RBM12B: variants seen among roughly 807,000 people sequenced by gnomAD.
RBM12B encodes RNA binding motif protein 12B, also known as RNA-binding protein 12B.
RBM12B carries 10 observed loss-of-function variants against 34.3 expected under a neutral mutation model. The ratio of observed to expected loss-of-function variants is 0.29; its 90% CI spans 0.18 to 0.49. The LOEUF (loss-of-function observed/expected upper bound fraction) is 0.49, where lower values mean the gene tolerates loss of function less well. Ranked by LOEUF, RBM12B falls within the 20% of genes least tolerant of loss-of-function variation. The pLI, the probability that RBM12B is intolerant of heterozygous loss-of-function variation, is 0.99. For synonymous variants in RBM12B, 477 were observed against 437.1 expected (o/e 1.09, Z -1.14); for missense variants, 1,139 against 1,262.7 (o/e 0.90, Z 1.48).
chr8:93,728,161 T>TA lies in RBM12B; in HGVS notation c.*5243dup. Reference sequence around the variant, plus strand: ...ATATACCAAGAATGTAAAATTTTTTTAAGTTAGTATTTTTATTTTAAAAAG... The same window carrying TA: ...ATATACCAAGAATGTAAAATTTTTTTAAAGTTAGTATTTTTATTTTAAAAAG... On this transcript the variant is annotated 3_prime_UTR_variant, in exon 4 of 4. Transcript: ENST00000520560. The TA allele has an allele frequency of 1.7e-5, 22 of 1,276,438 alleles. No individual in the cohort carries two copies. The highest frequency in any genetic ancestry group is 2.3e-5 in the Non-Finnish European group (22 of 946,878). The allele number at this position is 1,276,438 out of a possible 1,614,324, so 79.1% of individuals were successfully genotyped here.
At chr8:93,740,080 C>T in intron 2 of RBM12B, 1 of 351,466 alleles carries the variant, frequency 2.8e-6, no homozygotes. Context: ...CATGATGTAG[C>T]ATATTCACAC....
rs752187603 is a variant in RBM12B, at chr8:93,735,401, T to C, written c.1010A>G (p.Tyr337Cys). ...AFVMFKTLKDYNTALSLHKTV... is the reference protein window; with the variant it reads ...AFVMFKTLKDCNTALSLHKTV... ...CTTATGTAAACTCAGAGCGGTATTA[T>C]AGTCTTTCAGAGTCTTGAACATCAC... Residue 337 changes from tyrosine to cysteine, a missense_variant, in exon 4 of 4, where the codon TAT (tyrosine) becomes TGT (cysteine). Transcript: ENST00000520560. 1.9e-6 allele frequency: 3 copies of C among 1,613,356 alleles called. No homozygotes were observed. The highest frequency in any genetic ancestry group is 2.2e-5 in the East Asian group (1 of 44,862).
chr8:93,734,976 G>C lies in RBM12B; in HGVS notation c.1435C>G (p.Gln479Glu). 1 of 1,614,092 alleles carries C rather than the reference G, an allele frequency of 6.2e-7. No individual in the cohort carries two copies. The highest frequency in any genetic ancestry group is 8.5e-7 in the Non-Finnish European group (1 of 1,180,010). The change falls in exon 4 of 4, where the codon CAA becomes GAA. Residue 479 changes from glutamine to glutamate, a missense_variant. Transcript: ENST00000520560. Reference protein sequence around the residue: ...EVLLRLISEAQIQEFGVNFSV... With the variant: ...EVLLRLISEAEIQEFGVNFSV... ...AAATTTACACCAAACTCCTGTATTT[G>C]TGCCTCAGATATAAGTCTTAATAAC...
At chr8:93,738,782 T>C (rs1479246629) in intron 2 of RBM12B, among the ~76,000 whole-genome samples, 1 of 152,194 alleles carries the variant, frequency 6.6e-6, no homozygotes, top group East Asian at 1.9e-4. Flanking sequence ...ATGTCTTTAA[T>C]GTACAAATAA....
Position 93,733,286 on chromosome 8 carries a change from C to T in RBM12B, c.*119G>A. ...CTACTATTTACATTTGTTCTATTCA[C>T]AGGTCAAAAATAAAATATTTCATTA... On this transcript the variant is annotated 3_prime_UTR_variant, in exon 4 of 4. Transcript: ENST00000520560. 1.4e-6 allele frequency: 1 copy of T among 722,836 alleles called. No individual in the cohort carries two copies. Among genetic ancestry groups the T allele is most frequent in the East Asian group, 3.1e-5 (1 of 32,382 alleles). 44.8% of individuals were successfully genotyped at this position (722,836 alleles called of 1,614,324 possible). A position where few individuals can be genotyped will look rare whatever the true frequency, so the allele number is the denominator to read the frequency against.
chr8:93,739,775 T>C (rs756337332), intron 2 of RBM12B, among the ~76,000 whole-genome samples: 7 of 152,222 alleles, frequency 4.6e-5, no homozygotes, highest in Non-Finnish European at 1.0e-4. Flanking sequence ...GAAGAGTGGG[T>C]CCCTAAAAGA....
In RBM12B at chr8:93,736,172, T is replaced by C; in HGVS notation, c.239A>G (p.Gln80Arg). Residue 80 changes from glutamine to arginine, a missense_variant, in exon 4 of 4, where the codon CAG becomes CGG. By Grantham distance (43) the Gln-to-Arg change is conservative. Transcript: ENST00000520560. ...AGTTCTTTTCATTTCTATAGTCTTCTGCATTTCTGCCTTGCTACTAAGAAA... is the reference window on the plus strand; with the variant it reads ...AGTTCTTTTCATTTCTATAGTCTTCCGCATTTCTGCCTTGCTACTAAGAAA... Reference protein sequence around the residue: ...ELFLSSKAEMQKTIEMKRTDR... With the variant: ...ELFLSSKAEMRKTIEMKRTDR... 4 of 1,614,216 alleles carry C rather than the reference T, an allele frequency of 2.5e-6. No homozygotes were observed. Among genetic ancestry groups the C allele is most frequent in the Non-Finnish European group, 2.5e-6 (3 of 1,180,040 alleles).
Position 93,734,144 on chromosome 8 carries a change from C to A in RBM12B, c.2267G>T (p.Arg756Leu). The change falls in exon 4 of 4, where the codon CGG becomes CTG. Residue 756 changes from arginine (R) to leucine (L), a missense_variant. This residue lies in a region of RBM12B where 863 missense variants were observed against 869.5 expected (regional missense o/e 0.99). Coordinates refer to ENST00000520560, the MANE Select transcript of RBM12B (RefSeq NM_001377960.1). ...HFRRPPPEHF[R>L]RPPPEHFRRP... The stretch of plus-strand genomic sequence containing the variant: ...CCTGAAGTGCTCTGGGGGTGGCCGC[C>A]GGAAGTGCTCTGGGGGAGGCCGCCT... 6.4e-7 allele frequency: 1 copy of A among 1,562,460 alleles called. No homozygotes were observed. The highest frequency in any genetic ancestry group is 8.6e-7 in the Non-Finnish European group (1 of 1,156,180).
chr8:93,730,631 G>A lies in RBM12B; in HGVS notation c.*2774C>T, dbSNP rs530353467. ...CTGGCTTTCTGAGGGGACAACAGGA[G>A]GGGAATTCCTTGATTTGCTGCATTT... On this transcript the variant is annotated 3_prime_UTR_variant, in exon 4 of 4. Coordinates refer to ENST00000520560, the MANE Select transcript of RBM12B (RefSeq NM_001377960.1). 2.2e-4 allele frequency: 34 copies of A among 152,154 alleles called. No individual in the cohort carries two copies. Among genetic ancestry groups the A allele is most frequent in the African/African-American group, 8.2e-4 (34 of 41,526 alleles). The allele number at this position is 152,154 out of a possible 1,614,324, so 9.4% of individuals were successfully genotyped here.
At position 93,734,022 on chromosome 8, in the gene RBM12B, G is replaced by A. The variant is rs865954062; in HGVS notation, c.2389C>T (p.Arg797Cys). The change falls in exon 4 of 4, where the codon CGC (arginine) becomes TGC (cysteine). Residue 797 changes from arginine (R) to cysteine (C), a missense_variant. This residue lies in a region of RBM12B where 863 missense variants were observed against 869.5 expected (regional missense o/e 0.99). Coordinates refer to ENST00000520560, the MANE Select transcript of RBM12B (RefSeq NM_001377960.1). ...TGCCTGAAATCTTCCTCTCGGGAGC[G>A]CCTGAAATGCTCCTGAGGCGGCCGC... is the stretch of plus-strand genomic sequence containing the variant. ...FRRPPQEHFR[R>C]SREEDFRHPP... 4.4e-6 allele frequency: 7 copies of A among 1,604,862 alleles called. No individual in the cohort carries two copies. Among genetic ancestry groups the A allele is most frequent in the African/African-American group, 1.4e-5 (1 of 73,938 alleles).
chr8:93,734,486 T>A lies in RBM12B; in HGVS notation c.1925A>T (p.Asp642Val), dbSNP rs1299199947. ...GTCCTCCTCGGGGAGCTGCCTGAAG[T>A]CCTCCGTGGGAGACCGCCTGAAATC... is the stretch of plus-strand genomic sequence containing the variant. Reference protein sequence around the residue: ...EEDFRRSPTEDFRQLPEEDFR... With the variant: ...EEDFRRSPTEVFRQLPEEDFR... The change falls in exon 4 of 4, where the codon GAC becomes GTC. Residue 642 changes from aspartate to valine, a missense_variant. Physicochemically the swap from Asp to Val is radical, Grantham distance 152. This residue lies in a region of RBM12B where 863 missense variants were observed against 869.5 expected (regional missense o/e 0.99). Coordinates refer to ENST00000520560, the MANE Select transcript of RBM12B (RefSeq NM_001377960.1). 2 of 1,607,464 alleles carry A rather than the reference T, an allele frequency of 1.2e-6. No homozygotes were observed. Among genetic ancestry groups the A allele is most frequent in the South Asian group, 1.1e-5 (1 of 90,486 alleles).
In RBM12B at chr8:93,729,326, C is replaced by G. The variant is rs1342525273; in HGVS notation, c.*4079G>C. ...ATAGTCCTAAGTGACAAAGTTGTTT[C>G]AGTACTTTTTTGTAAAATATTTAAA... On this transcript the variant is annotated 3_prime_UTR_variant, in exon 4 of 4. Transcript: ENST00000520560. The G allele has an allele frequency of 1.3e-5, 2 of 152,056 alleles. No individual in the cohort carries two copies. Among genetic ancestry groups the G allele is most frequent in the East Asian group, 3.9e-4 (2 of 5,194 alleles). 9.4% of individuals were successfully genotyped at this position (152,056 alleles called of 1,614,324 possible).
chr8:93,730,723 G>A lies in RBM12B; in HGVS notation c.*2682C>T, dbSNP rs1429465092. The A allele has an allele frequency of 6.6e-6, 1 of 152,210 alleles. No homozygotes were observed. The highest frequency in any genetic ancestry group is 1.9e-4 in the East Asian group (1 of 5,186). 9.4% of individuals were successfully genotyped at this position (152,210 alleles called of 1,614,324 possible). ...TGTTATTGACATATCACTAAAGGCA[G>A]AGTTGGAGAGAGATGTGCAAAGATG... On this transcript the variant is annotated 3_prime_UTR_variant, in exon 4 of 4. Coordinates refer to ENST00000520560, the MANE Select transcript of RBM12B (RefSeq NM_001377960.1).
Position 93,735,653 on chromosome 8 carries a change from T to G in RBM12B, c.758A>C (p.His253Pro), listed in dbSNP as rs1417289964. 1 of 1,614,120 alleles carries G rather than the reference T, an allele frequency of 6.2e-7. No individual in the cohort carries two copies. Reference protein sequence around the residue: ...EGDVLRRSEEHSPPRGINDRH... With the variant: ...EGDVLRRSEEPSPPRGINDRH... ...ATCATTAATTCCTCTTGGTGGAGAA[T>G]GTTCTTCAGATCTCCTAAGAACGTC... Residue 253 changes from histidine (H) to proline (P), a missense_variant, in exon 4 of 4, where the codon CAT (histidine) becomes CCT (proline). By Grantham distance (77) the His-to-Pro change is moderately conservative (BLOSUM62 -2). Transcript: ENST00000520560.
In RBM12B at chr8:93,735,403, G is replaced by A. The variant is rs369405986; in HGVS notation, c.1008C>T (p.Asp336=). 1.9e-6 allele frequency: 3 copies of A among 1,613,100 alleles called. No homozygotes were observed. Among genetic ancestry groups the A allele is most frequent in the African/African-American group, 1.3e-5 (1 of 75,026 alleles). The change falls in exon 4 of 4, where the codon GAC becomes GAT. Residue 336 remains aspartate (D), a synonymous_variant. Transcript: ENST00000520560. ...TATGTAAACTCAGAGCGGTATTATAGTCTTTCAGAGTCTTGAACATCACAA... is the reference window on the plus strand; with the variant it reads ...TATGTAAACTCAGAGCGGTATTATAATCTTTCAGAGTCTTGAACATCACAA... ...YAFVMFKTLK[D]YNTALSLHKT...
In RBM12B at chr8:93,734,372, T is replaced by C. The variant is rs1811928346; in HGVS notation, c.2039A>G (p.Glu680Gly). The C allele has an allele frequency of 2.5e-6, 4 of 1,612,212 alleles. No homozygotes were observed. The highest frequency in any genetic ancestry group is 3.4e-6 in the Non-Finnish European group (4 of 1,179,574). ...PPEEDWRRPP[E>G]EDFRRPLQGE... The stretch of plus-strand genomic sequence containing the variant: ...CTGAAGAGGCCGCCTAAAGTCCTCC[T>C]CTGGGGGCCGTCTCCAGTCCTCCTC... Residue 680 changes from glutamate to glycine, a missense_variant, in exon 4 of 4, where the codon GAG becomes GGG. By Grantham distance (98) the Glu-to-Gly change is moderately conservative (BLOSUM62 -2). Coordinates refer to ENST00000520560, the MANE Select transcript of RBM12B (RefSeq NM_001377960.1).
rs914692978 is a variant in RBM12B at position 93,730,906 on chromosome 8, C to A, written c.*2499G>T. The A allele has an allele frequency of 1.3e-5, 2 of 152,174 alleles. No homozygotes were observed. Among genetic ancestry groups the A allele is most frequent in the African/African-American group, 4.8e-5 (2 of 41,428 alleles). The allele number at this position is 152,174 out of a possible 1,614,324, so 9.4% of individuals were successfully genotyped here. A position where few individuals can be genotyped will look rare whatever the true frequency, so the allele number is the denominator to read the frequency against. ...GGGCACAGTGGCTCACACCTGTAAT[C>A]CCAACACATTCTGGGAGACCAAGGA... On this transcript the variant is annotated 3_prime_UTR_variant, in exon 4 of 4. Transcript: ENST00000520560.
chr8:93,735,698 C>T lies in RBM12B; in HGVS notation c.713G>A (p.Gly238Asp). Residue 238 changes from glycine to aspartate, a missense_variant, in exon 4 of 4, where the codon GGT (glycine) becomes GAT (aspartate). Physicochemically the swap from Gly to Asp is moderately conservative, Grantham distance 94. Coordinates refer to ENST00000520560, the MANE Select transcript of RBM12B (RefSeq NM_001377960.1). ...GSEQQWIEFG[G>D]NAVKEGDVLR... ...AACGTCACCCTCCTTAACTGCATTA[C>T]CACCAAACTCAATCCACTGTTGTTC... The T allele has an allele frequency of 6.2e-7, 1 of 1,614,118 alleles. No homozygotes were observed. The highest frequency in any genetic ancestry group is 8.5e-7 in the Non-Finnish European group (1 of 1,180,024).
Position 93,735,516 on chromosome 8 carries a change from C to G in RBM12B, c.895G>C (p.Asp299His). The G allele has an allele frequency of 3.1e-6, 5 of 1,613,540 alleles. No homozygotes were observed. Among genetic ancestry groups the G allele is most frequent in the Non-Finnish European group, 4.2e-6 (5 of 1,179,636 alleles). Residue 299 changes from aspartate to histidine, a missense_variant, in exon 4 of 4, where the codon GAT (aspartate) becomes CAT (histidine). Asp to His is a moderately conservative substitution (Grantham distance 81). Transcript: ENST00000520560. ...KNLSLSIDER[D>H]LRNFFRGTDL... Reference sequence around the variant, plus strand: ...GTACCTCTAAAGAAATTTCTTAAATCTCTTTCGTCAATACTGAGGGACAGA... The same window carrying G: ...GTACCTCTAAAGAAATTTCTTAAATGTCTTTCGTCAATACTGAGGGACAGA...
Sources: allele counts gnomAD v4.1 joint callset (sites outside exome capture counted in the v4.1 genomes callset), GRCh38; gene constraint gnomAD v4.1.1; regional missense constraint gnomAD v4.1.1; transcripts MANE v1.5; gene names NCBI Gene and HGNC (gene_info 2026-07-23, HGNC 2026-07-21).